Variants in GNA14 observed in about 807,000 individuals in gnomAD.
GNA14 encodes the protein guanine nucleotide-binding protein subunit alpha-14.
In GNA14, 50 loss-of-function variants were observed where a neutral mutation model predicts 42.0. That is an observed-to-expected ratio of 1.19 (90% CI 0.95 to 1.51). GNA14 has a LOEUF of 1.51. Ranked by LOEUF, GNA14 falls within the 40% of genes most tolerant of loss-of-function variation. The pLI is 0.00. For synonymous variants in GNA14, 173 were observed against 163.1 expected, an observed-to-expected ratio of 1.06 and a Z score of -0.46; for missense variants, 473 against 446.2, an observed-to-expected ratio of 1.06 and a Z score of -0.54.
Position 77,567,951 on chromosome 9 carries a change from T to C in GNA14, c.125-38698A>G, listed in dbSNP as rs79880061. 7.1e-4 allele frequency among the ~76,000 whole-genome samples: 108 copies of C among 152,368 alleles called. 2 individuals carry two copies. In the East Asian group the frequency reaches 0.017, roughly 24 times the overall value. On this transcript the variant is annotated intron_variant, in intron 1 of 6. Coordinates refer to ENST00000341700, the MANE Select transcript of GNA14 (RefSeq NM_004297.4). ...TATCTTGTTCTAAAATGATATTTAT[T>C]GACTTGCCTATGTTTGGCCCAAAAG...
intron 1 of GNA14, among the ~76,000 whole-genome samples, chr9:77,555,538 G>C (rs531845125): frequency 6.6e-6 from 1 of 152,230 alleles, no homozygotes; most frequent in Non-Finnish European, 1.5e-5. Flanking sequence ...ATATGCCTGA[G>C]TGTGTGTCTA....
Position 77,431,352 on chromosome 9 carries a change from A to C in GNA14, c.562T>G (p.Tyr188Asp). ...ATGATGTTTTCCAAGTCAAATGGAT[A>C]CTCAATGATGCCGGTGGTGGGCACT... is the stretch of plus-strand genomic sequence containing the variant. ...VRVPTTGIIEYPFDLENIIFR... is the reference protein window; with the variant it reads ...VRVPTTGIIEDPFDLENIIFR... The change falls in exon 4 of 7, where the codon TAT (tyrosine) becomes GAT (aspartate). Residue 188 changes from tyrosine to aspartate, a missense_variant. Transcript: ENST00000341700. The C allele has an allele frequency of 6.2e-7, 1 of 1,613,914 alleles. No homozygotes were observed. Among genetic ancestry groups the C allele is most frequent in the Non-Finnish European group, 8.5e-7 (1 of 1,179,876 alleles).
intron 1 of GNA14, among the ~76,000 whole-genome samples, chr9:77,599,347 G>A (rs537875536): frequency 1.3e-5 from 2 of 152,326 alleles, no homozygotes; most frequent in South Asian, 2.1e-4. Context: ...AAAAGCCACA[G>A]AACGGAGAAT....
At chr9:77,584,520 C>G (rs141621054) in intron 1 of GNA14, among the ~76,000 whole-genome samples, 2 of 151,230 alleles carry the variant, frequency 1.3e-5, no homozygotes, top group Admixed American at 1.3e-4. Flanking sequence ...CCCCACCCCC[C>G]ACCACCCCAA....
At chr9:77,646,919 T>C (rs1040406044) in intron 1 of GNA14, among the ~76,000 whole-genome samples, 5 of 152,204 alleles carry the variant, frequency 3.3e-5, no homozygotes, top group Non-Finnish European at 7.4e-5. Context: ...GATGAAGACC[T>C]GCCAGAGGCA....
chr9:77,440,647 G>GT (rs1003680596), intron 2 of GNA14, among the ~76,000 whole-genome samples: 3 of 152,154 alleles, frequency 2.0e-5, no homozygotes, highest in African/African-American at 7.2e-5. Flanking sequence ...TTTAACATTT[G>GT]TATTACCTCA....
chr9:77,487,922 A>C (rs1461222883), intron 2 of GNA14, among the ~76,000 whole-genome samples: 1 of 152,154 alleles, frequency 6.6e-6, no homozygotes, highest in Non-Finnish European at 1.5e-5. Flanking sequence ...TGCCAAACAT[A>C]CCACGTTGGG....
At chr9:77,617,782 C>G (rs1823847276) in intron 1 of GNA14, among the ~76,000 whole-genome samples, 1 of 152,220 alleles carries the variant, frequency 6.6e-6, no homozygotes, top group South Asian at 2.1e-4. Context: ...ATTTCCACCT[C>G]AGGCTGTCTC....
chr9:77,574,188 G>A (rs138239139), intron 1 of GNA14, among the ~76,000 whole-genome samples: 6 of 152,272 alleles, frequency 3.9e-5, no homozygotes, highest in Admixed American at 1.3e-4. Flanking sequence ...GAAACACAGT[G>A]AGGCAAGCTG....
chr9:77,428,220 A>T (rs1039247886), intron 5 of GNA14, among the ~76,000 whole-genome samples: 11 of 151,618 alleles, frequency 7.3e-5, no homozygotes, highest in Admixed American at 7.2e-4. Context: ...CTGGGACTAC[A>T]GGCGCCCACC....
intron 1 of GNA14, among the ~76,000 whole-genome samples, chr9:77,595,993 G>A (rs1823461272): frequency 6.6e-6 from 1 of 152,016 alleles, no homozygotes; most frequent in African/African-American, 2.4e-5. Flanking sequence ...GGCTCCCTCA[G>A]ACCTGCAGGG....
intron 1 of GNA14, among the ~76,000 whole-genome samples, chr9:77,543,447 C>T (rs1837683489): frequency 6.6e-6 from 1 of 152,212 alleles, no homozygotes; most frequent in Non-Finnish European, 1.5e-5. Context: ...CAGTCCTTTG[C>T]CAGTTGAGCT....
At chr9:77,464,331 ATGTGTGTGTGTGTGTGTATATG>A (rs1436764145) in intron 2 of GNA14, among the ~76,000 whole-genome samples, 8 of 142,844 alleles carry the variant, frequency 5.6e-5, no homozygotes, top group Admixed American at 2.8e-4. Flanking sequence ...GTGTATATAT[ATGTGTGTGTGTGTGTGTATATG>A]TGTGTGTGTG....
chr9:77,430,826 G>A (rs1259728822), intron 4 of GNA14, among the ~76,000 whole-genome samples: 7 of 152,086 alleles, frequency 4.6e-5, no homozygotes, highest in African/African-American at 1.7e-4. Flanking sequence ...ATTTGTAAGT[G>A]GAAATGCATA....
chr9:77,450,084 A>G (rs1835880487), intron 2 of GNA14, among the ~76,000 whole-genome samples: 1 of 152,206 alleles, frequency 6.6e-6, no homozygotes, highest in Admixed American at 6.5e-5. Flanking sequence ...TCCTCAGGGC[A>G]TTTGTCCCAG....
intron 1 of GNA14, 37 bp from the exon 2 acceptor site, chr9:77,529,290 A>G (rs772322758): frequency 1.3e-6 from 2 of 1,522,044 alleles, no homozygotes. Flanking sequence ...CTGTCAGCAG[A>G]CTTCCAAAGG....
chr9:77,470,127 G>A (rs1267193140), intron 2 of GNA14, among the ~76,000 whole-genome samples: 1 of 152,148 alleles, frequency 6.6e-6, no homozygotes, highest in Non-Finnish European at 1.5e-5. Context: ...ATCCTCTGGA[G>A]GCGGAGAATG....
At position 77,581,007 on chromosome 9, in the gene GNA14, C is replaced by T. The variant is rs1326464140; in HGVS notation, c.125-51754G>A. 8.6e-5 allele frequency among the ~76,000 whole-genome samples: 6 copies of T among 69,732 alleles called. No homozygotes were observed. In the Admixed American group the frequency reaches 1.4e-3, roughly 16 times the overall value. The allele number at this position is 69,732 out of a possible 152,430, so 45.7% of individuals were successfully genotyped here. On this transcript the variant is annotated intron_variant, in intron 1 of 6. Transcript: ENST00000341700. ...TGCTTAAAGATACAATAAAGGCACA[C>T]ACACACACACACACACACACACACA... is the stretch of plus-strand genomic sequence containing the variant.
At chr9:77,620,737 C>T (rs1780548261) in intron 1 of GNA14, among the ~76,000 whole-genome samples, 1 of 150,950 alleles carries the variant, frequency 6.6e-6, no homozygotes, top group Admixed American at 6.6e-5. Flanking sequence ...GTCCCAGCTA[C>T]TCTGGAGGCT....
Sources: allele counts gnomAD v4.1 joint callset (sites outside exome capture counted in the v4.1 genomes callset), GRCh38; gene constraint gnomAD v4.1.1; transcripts MANE v1.5; gene names NCBI Gene and HGNC (gene_info 2026-07-23, HGNC 2026-07-21).